JCHAIN: variants seen among roughly 807,000 people sequenced by gnomAD.
JCHAIN encodes joining chain of multimeric IgA and IgM.
Under a neutral mutation model 11.1 loss-of-function variants are expected in JCHAIN, and 5 were observed. The observed-to-expected ratio is 0.45, with a 90% CI of 0.24 to 0.95. The LOEUF (loss-of-function observed/expected upper bound fraction) is 0.95, where lower values mean the gene tolerates loss of function less well. JCHAIN is among the 40% of genes least tolerant of loss of function. JCHAIN has a pLI of 0.21. For synonymous variants in JCHAIN, 51 were observed against 67.8 expected (o/e 0.75, Z 1.22); for missense variants, 165 against 192.7 (o/e 0.86, Z 0.85).
At chr4:70,657,128 T>C in intron 3 of JCHAIN, 83 bp downstream of exon 3, 1 of 718,406 alleles carries the variant, frequency 1.4e-6, no homozygotes, top group Middle Eastern at 2.6e-4. Flanking sequence ...AACATATTTT[T>C]AAAAACATTC....
At position 70,656,473 on chromosome 4, in the gene JCHAIN, A is replaced by G. The variant is rs1368982486; in HGVS notation, c.336T>C (p.Asn112=). 6.2e-7 allele frequency: 1 copy of G among 1,613,994 alleles called. No individual in the cohort carries two copies. Among genetic ancestry groups the G allele is most frequent in the Non-Finnish European group, 8.5e-7 (1 of 1,179,876 alleles). ...CTGTAGCACTGTCTTCATCACAGAT[A>G]TTGCTCTGGGTAGCAGTAACTATCT... ...DNQIVTATQS[N]ICDEDSATET... The change falls in exon 4 of 4, where the codon AAT becomes AAC. Residue 112 remains asparagine, a synonymous_variant. Transcript: ENST00000254801.
intron 1 of JCHAIN, among the ~76,000 whole-genome samples, chr4:70,663,212 A>G (rs1462370100): frequency 2.6e-5 from 4 of 152,022 alleles, no homozygotes; most frequent in Non-Finnish European, 5.9e-5. Flanking sequence ...TTTATTTGCC[A>G]GAATGTCTCA....
chr4:70,665,882 AT>A, intron 1 of JCHAIN: 2 of 332,642 alleles, frequency 6.0e-6, no homozygotes, highest in Non-Finnish European at 6.1e-6. Context: ...AATGTATTCC[AT>A]TTTCTGAAGT....
intron 2 of JCHAIN, among the ~76,000 whole-genome samples, chr4:70,660,091 CG>C (rs1400975515): frequency 6.6e-6 from 1 of 152,022 alleles, no homozygotes; most frequent in Non-Finnish European, 1.5e-5. Flanking sequence ...GAGGTTTAAA[CG>C]TAAGATAGAC....
rs995014339 is a variant in JCHAIN, at chr4:70,664,344, C to A, written c.64+2083G>T. Reference sequence around the variant, plus strand: ...CATTAAGCCTCAACTAAAAAAAAAACATTTAGTATACGAATTCAAGTTATA... The same window carrying A: ...CATTAAGCCTCAACTAAAAAAAAAAAATTTAGTATACGAATTCAAGTTATA... On this transcript the variant is annotated intron_variant, in intron 1 of 3. Transcript: ENST00000254801. Among the ~76,000 whole-genome samples, 5 of 151,062 alleles carry A rather than the reference C, an allele frequency of 3.3e-5. No individual in the cohort carries two copies. In the East Asian group the frequency reaches 9.7e-4, roughly 29 times the overall value.
Position 70,662,141 on chromosome 4 carries a change from A to C in JCHAIN, c.139T>G (p.Ser47Ala). 6.2e-7 allele frequency: 1 copy of C among 1,612,650 alleles called. No individual in the cohort carries two copies. Among genetic ancestry groups the C allele is most frequent in the Non-Finnish European group, 8.5e-7 (1 of 1,178,636 alleles). The change falls in exon 2 of 4, where the codon TCT becomes GCT. Residue 47 changes from serine (S) to alanine (A), a missense_variant. Transcript: ENST00000254801. ...CARITSRIIR[S>A]SEDPNEDIVE... is the part of the protein sequence containing the mutation. ...ATGTCCTCATTAGGATCTTCGGAAG[A>C]ACGGATGATCCTGGAAGTAATCCGG...
At chr4:70,660,411 G>A (rs865957281) in intron 2 of JCHAIN, among the ~76,000 whole-genome samples, 1 of 138,010 alleles carries the variant, frequency 7.2e-6, no homozygotes, top group African/African-American at 2.8e-5. Flanking sequence ...AGAAAGTCTC[G>A]CTCTTGTCCC....
chr4:70,662,035 T>G (rs1182055530), intron 2 of JCHAIN, 57 bp downstream of exon 2: 1 of 1,551,188 alleles, frequency 6.4e-7, no homozygotes, highest in Admixed American at 1.7e-5. Context: ...CAATGCTCAG[T>G]GTCAGAAAGT....
intron 2 of JCHAIN, among the ~76,000 whole-genome samples, chr4:70,661,480 A>G (rs1327919127): frequency 6.6e-6 from 1 of 152,210 alleles, no homozygotes; most frequent in Admixed American, 6.5e-5. Context: ...AAGGCAACTG[A>G]AAGTTCTGAT....
In JCHAIN at chr4:70,662,216, C is replaced by T. The variant is rs757164511; in HGVS notation, c.65-1G>A. 1 of 1,611,956 alleles carries T rather than the reference C, an allele frequency of 6.2e-7. No homozygotes were observed. The highest frequency in any genetic ancestry group is 8.5e-7 in the Non-Finnish European group (1 of 1,178,510). On this transcript the variant is annotated splice_acceptor_variant, in intron 1 of 3. Coordinates refer to ENST00000254801, the MANE Select transcript of JCHAIN (RefSeq NM_144646.4). LOFTEE classifies it high-confidence loss of function. The stretch of plus-strand genomic sequence containing the variant: ...AGAACAATCCTTTCATCTTCTTGGG[C>T]TTGAAAGGTAAACGTATTAAAAAGA...
intron 1 of JCHAIN, among the ~76,000 whole-genome samples, chr4:70,663,127 T>G (rs542785029): frequency 2.6e-5 from 4 of 152,186 alleles, no homozygotes; most frequent in Non-Finnish European, 5.9e-5. Context: ...ATATGACCAT[T>G]AAAGCCTTAA....
intron 1 of JCHAIN, among the ~76,000 whole-genome samples, chr4:70,664,429 C>T (rs988575974): frequency 1.3e-5 from 2 of 151,818 alleles, no homozygotes; most frequent in Admixed American, 1.3e-4. Flanking sequence ...GAGACGATTC[C>T]CAGAGCAAAG....
rs138490909 is a variant in JCHAIN, at chr4:70,657,055, A to C, written c.269+156T>G. On this transcript the variant is annotated intron_variant, in intron 3 of 3. Coordinates refer to ENST00000254801, the MANE Select transcript of JCHAIN (RefSeq NM_144646.4). ...AAGTTTTATGAATTTATGATACCTAATAATTAACATAGGAATTAATGTATT... is the reference window on the plus strand; with the variant it reads ...AAGTTTTATGAATTTATGATACCTACTAATTAACATAGGAATTAATGTATT... Among the ~76,000 whole-genome samples, 20 of 152,332 alleles carry C rather than the reference A, an allele frequency of 1.3e-4. No individual in the cohort carries two copies. In the East Asian group the frequency reaches 2.5e-3, roughly 19 times the overall value.
chr4:70,665,518 C>T (rs965948101), intron 1 of JCHAIN, among the ~76,000 whole-genome samples: 1 of 152,014 alleles, frequency 6.6e-6, no homozygotes, highest in African/African-American at 2.4e-5. Flanking sequence ...TCCTCAGCTA[C>T]AATGGGGCTA....
rs758276774 is a variant in JCHAIN, at chr4:70,662,198, T to C, written c.82A>G (p.Ile28Val). The C allele has an allele frequency of 6.2e-7, 1 of 1,613,384 alleles. No homozygotes were observed. Among genetic ancestry groups the C allele is most frequent in the South Asian group, 1.1e-5 (1 of 90,994 alleles). The change falls in exon 2 of 4, where the codon ATT (isoleucine) becomes GTT (valine). Residue 28 changes from isoleucine to valine, a missense_variant. Physicochemically the swap from Ile to Val is conservative, Grantham distance 29. Transcript: ENST00000254801. ...VHVKAQEDER[I>V]VLVDNKCKCA... ...TTACATTTGTTGTCAACAAGAACAA[T>C]CCTTTCATCTTCTTGGGCTTGAAAG...
In JCHAIN at chr4:70,666,455, C is replaced by T. The variant is rs756669364; in HGVS notation, c.36G>A (p.Ala12=). The T allele has an allele frequency of 7.6e-5, 122 of 1,612,926 alleles. No homozygotes were observed. Among genetic ancestry groups the T allele is most frequent in the South Asian group, 1.4e-4 (13 of 91,046 alleles). ...KNHLLFWGVL[A]VFIKAVHVKA... is the part of the protein sequence containing the mutation. ...TCACATGAACAGCCTTAATAAAAAC[C>T]GCCAGGACTCCCCAGAAAAGCAAAT... is the stretch of plus-strand genomic sequence containing the variant. The change falls in exon 1 of 4, where the codon GCG becomes GCA. Residue 12 remains alanine (A), a synonymous_variant. Transcript: ENST00000254801.
Position 70,656,514 on chromosome 4 carries a change from C to T in JCHAIN, c.295G>A (p.Val99Met), listed in dbSNP as rs765894756. The change falls in exon 4 of 4, where the codon GTG becomes ATG. Residue 99 changes from valine to methionine, a missense_variant. Physicochemically the swap from Val to Met is conservative, Grantham distance 21 (BLOSUM62 1). Coordinates refer to ENST00000254801, the MANE Select transcript of JCHAIN (RefSeq NM_144646.4). ...GTAACTATCTGATTATCCAGCTCCA[C>T]TTCTGTAGGATCACATTTTTTACAG... The part of the protein sequence containing the change: ...DLCKKCDPTE[V>M]ELDNQIVTAT... The T allele has an allele frequency of 1.2e-6, 2 of 1,613,110 alleles. No individual in the cohort carries two copies. Among genetic ancestry groups the T allele is most frequent in the Middle Eastern group, 1.8e-4 (1 of 5,554 alleles).
intron 3 of JCHAIN, among the ~76,000 whole-genome samples, chr4:70,656,987 T>C (rs1738962232): frequency 6.6e-6 from 1 of 152,154 alleles, no homozygotes; most frequent in South Asian, 2.1e-4. Flanking sequence ...TGCCAATGAT[T>C]TTTTCTTTAG....
chr4:70,660,423 C>A (rs1412822182), intron 2 of JCHAIN, among the ~76,000 whole-genome samples: 2 of 150,686 alleles, frequency 1.3e-5, no homozygotes, highest in Non-Finnish European at 2.9e-5. Flanking sequence ...TCTTGTCCCC[C>A]AGGCTGGAGT....
Sources: allele counts gnomAD v4.1 joint callset (sites outside exome capture counted in the v4.1 genomes callset), GRCh38; gene constraint gnomAD v4.1.1; transcripts MANE v1.5; gene names NCBI Gene and HGNC (gene_info 2026-07-23, HGNC 2026-07-21).